The following XKR4 variants were observed in gnomAD, a reference collection of about 807,000 sequenced individuals.
XKR4 encodes the protein XK related 4, also known as XK-related protein 4.
In XKR4, 12 loss-of-function variants were observed where a neutral mutation model predicts 53.9. The ratio of observed to expected loss-of-function variants is 0.22; its 90% confidence interval spans 0.14 to 0.36. The LOEUF (loss-of-function observed/expected upper bound fraction) is 0.36. Ranked by LOEUF, XKR4 falls within the 10% of genes least tolerant of loss-of-function variation. The pLI, the probability that XKR4 is intolerant of heterozygous loss-of-function variation, is 1.00. For missense variants in XKR4, 799 were observed against 859.5 expected (o/e 0.93, Z 0.88); for synonymous variants, 354 against 362.4 (o/e 0.98, Z 0.26).
intron 2 of XKR4, among the ~76,000 whole-genome samples, chr8:55,510,992 G>A (rs1421355667): frequency 6.6e-6 from 1 of 152,214 alleles, no homozygotes; most frequent in Non-Finnish European, 1.5e-5. Flanking sequence ...CATGTCCTCA[G>A]GGTATTGAGT....
chr8:55,144,537 A>G (rs1001983928), intron 1 of XKR4, among the ~76,000 whole-genome samples: 48 of 152,174 alleles, frequency 3.2e-4, no homozygotes, highest in Non-Finnish European at 6.5e-4. Flanking sequence ...TAGATCTTCC[A>G]ATTTTTCAAA....
rs1474394920 is a variant in XKR4, at chr8:55,531,210, T to C, written c.*6983T>C. The C allele has an allele frequency of 1.3e-5, 2 of 152,158 alleles. No individual in the cohort carries two copies. The highest frequency in any genetic ancestry group is 2.9e-5 in the Non-Finnish European group (2 of 68,030). The allele number at this position is 152,158 out of a possible 1,614,324, so 9.4% of individuals were successfully genotyped here. On this transcript the variant is annotated 3_prime_UTR_variant, in exon 3 of 3. Coordinates refer to ENST00000327381, the MANE Select transcript of XKR4 (RefSeq NM_052898.2). ...TGGAGTGTGCTTACACAAGCTTAGA[T>C]GGTAGAGCCTACCATGCTCCTAGGC...
chr8:55,360,753 A>G (rs181602549), intron 2 of XKR4, among the ~76,000 whole-genome samples: 2 of 152,374 alleles, frequency 1.3e-5, no homozygotes, highest in Admixed American at 1.3e-4. Context: ...AAAAATAAGA[A>G]AAATCAGACA....
At position 55,132,211 on chromosome 8, in the gene XKR4, T is replaced by C. The variant is rs140709930; in HGVS notation, c.806+28917T>C. On this transcript the variant is annotated intron_variant, in intron 1 of 2. Coordinates refer to ENST00000327381, the MANE Select transcript of XKR4 (RefSeq NM_052898.2). Reference sequence around the variant, plus strand: ...TTTAATTCTCACAGTCACTACAGAATATGCACTGTTGTTCCATTTTACTAA... The same window carrying C: ...TTTAATTCTCACAGTCACTACAGAACATGCACTGTTGTTCCATTTTACTAA... Among the ~76,000 whole-genome samples, 6 of 152,330 alleles carry C rather than the reference T, an allele frequency of 3.9e-5. No individual in the cohort carries two copies. The South Asian group carries it at 8.3e-4, about 21-fold the overall frequency.
intron 1 of XKR4, among the ~76,000 whole-genome samples, chr8:55,103,817 C>T (rs1319835214): frequency 7.0e-6 from 1 of 142,760 alleles, no homozygotes; most frequent in Non-Finnish European, 1.5e-5. Flanking sequence ...AAGTGCTTTA[C>T]TCAAAGTAAA....
intron 1 of XKR4, among the ~76,000 whole-genome samples, chr8:55,242,049 T>A (rs944412450): frequency 6.6e-6 from 1 of 152,192 alleles, no homozygotes; most frequent in African/African-American, 2.4e-5. Context: ...ACCCTTTTAT[T>A]CTGAATGGTT....
chr8:55,427,782 A>G (rs1234477319), intron 2 of XKR4, among the ~76,000 whole-genome samples: 2 of 152,232 alleles, frequency 1.3e-5, no homozygotes, highest in African/African-American at 2.4e-5. Context: ...ATATCATTCC[A>G]AGTATATCAT....
intron 1 of XKR4, among the ~76,000 whole-genome samples, chr8:55,293,433 A>T (rs1819059867): frequency 6.6e-6 from 1 of 152,218 alleles, no homozygotes; most frequent in Non-Finnish European, 1.5e-5. Context: ...GTAATCATTT[A>T]AAAAATATTT....
intron 1 of XKR4, among the ~76,000 whole-genome samples, chr8:55,331,581 T>G (rs575034276): frequency 6.6e-6 from 1 of 152,322 alleles, no homozygotes; most frequent in African/African-American, 2.4e-5. Flanking sequence ...GAATGTCAAC[T>G]TCTCCTTTAC....
chr8:55,474,387 A>T (rs993476331), intron 2 of XKR4, among the ~76,000 whole-genome samples: 1 of 152,178 alleles, frequency 6.6e-6, no homozygotes, highest in Non-Finnish European at 1.5e-5. Flanking sequence ...GAGAGTTAAA[A>T]ATCAGGTAGC....
intron 1 of XKR4, among the ~76,000 whole-genome samples, chr8:55,322,719 C>T (rs1388305773): frequency 1.3e-5 from 2 of 152,094 alleles, no homozygotes; most frequent in African/African-American, 2.4e-5. Context: ...TTATACTTCC[C>T]TGCTAGAGTA....
At chr8:55,272,941 C>T in intron 1 of XKR4, 1 of 452,420 alleles carries the variant, frequency 2.2e-6, no homozygotes, top group Non-Finnish European at 4.4e-6. Flanking sequence ...CTCGGATAAA[C>T]ACCACTGCCT....
intron 1 of XKR4, among the ~76,000 whole-genome samples, chr8:55,329,883 A>G (rs1031550030): frequency 2.0e-5 from 3 of 152,244 alleles, no homozygotes; most frequent in Admixed American, 2.0e-4. Context: ...GATACTAGGC[A>G]TAGAGGTTTG....
At chr8:55,149,073 A>C (rs113365577) in intron 1 of XKR4, among the ~76,000 whole-genome samples, 150 of 152,156 alleles carry the variant, frequency 9.9e-4, no homozygotes, top group Middle Eastern at 6.8e-3. Context: ...GTGTAGCCCT[A>C]TTTAATCTTT....
At chr8:55,371,742 T>C (rs920069130) in intron 2 of XKR4, among the ~76,000 whole-genome samples, 3 of 152,212 alleles carry the variant, frequency 2.0e-5, no homozygotes, top group Non-Finnish European at 4.4e-5. Context: ...CATTCAGTAG[T>C]CTCTTGAGTC....
At chr8:55,276,636 C>A (rs1818767668) in intron 1 of XKR4, among the ~76,000 whole-genome samples, 1 of 152,200 alleles carries the variant, frequency 6.6e-6, no homozygotes, top group Non-Finnish European at 1.5e-5. Flanking sequence ...TTCTGAGAAT[C>A]CTGCTATGAA....
At chr8:55,432,284 A>T (rs1175053118) in intron 2 of XKR4, among the ~76,000 whole-genome samples, 12 of 151,982 alleles carry the variant, frequency 7.9e-5, no homozygotes. Flanking sequence ...AACTATTTTA[A>T]CCTCTCTGCA....
At chr8:55,362,482 G>A (rs1803920670) in intron 2 of XKR4, among the ~76,000 whole-genome samples, 1 of 152,134 alleles carries the variant, frequency 6.6e-6, no homozygotes, top group Non-Finnish European at 1.5e-5. Flanking sequence ...CAGCCACTTA[G>A]GGGGAGAGCA....
At chr8:55,452,103 AG>A in intron 2 of XKR4, 1 of 688,890 alleles carries the variant, frequency 1.5e-6, no homozygotes, top group Non-Finnish European at 2.6e-6. Context: ...GGTAGAGCCC[AG>A]GGTGAAGGAG....
Sources: allele counts gnomAD v4.1 joint callset (sites outside exome capture counted in the v4.1 genomes callset), GRCh38; gene constraint gnomAD v4.1.1; transcripts MANE v1.5; gene names NCBI Gene and HGNC (gene_info 2026-07-23, HGNC 2026-07-21).